The following ATP6V0D1 variants were observed in gnomAD, a reference collection of about 807,000 sequenced individuals.
The protein encoded by ATP6V0D1 is ATPase H+ transporting V0 subunit d1, also known as V-type proton ATPase subunit d 1.
A neutral mutation model predicts 39.0 loss-of-function variants in ATP6V0D1; 13 were observed. That is an observed-to-expected ratio of 0.33 (90% confidence interval 0.22 to 0.53). The LOEUF (loss-of-function observed/expected upper bound fraction) is 0.53, where lower values mean the gene tolerates loss of function less well. Among genes scored for constraint, ATP6V0D1 ranks in the 20% least tolerant of loss-of-function variants. The probability of loss-of-function intolerance (pLI) is 0.94; values close to 1 mark genes in which losing one functional copy is unlikely to be tolerated. For synonymous variants in ATP6V0D1, 191 were observed against 191.2 expected (o/e 1.00, Z 0.01); for missense variants, 272 against 470.9 (o/e 0.58, Z 3.91).
chr16:67,441,586 GCT>G (rs1020400881), intron 4 of ATP6V0D1: 1 of 152,274 alleles, frequency 6.6e-6, no homozygotes. Context: ...ACGTGTGTAT[GCT>G]CTCTCTCCTC....
intron 1 of ATP6V0D1, chr16:67,459,322 G>A (rs1450873521): frequency 3.4e-5 from 32 of 941,652 alleles, no homozygotes; most frequent in South Asian, 9.8e-5. Context: ...TCCACAGGCC[G>A]GCCCTGTCCA....
At chr16:67,440,821 A>G (rs1304650921) in intron 4 of ATP6V0D1, 3 of 152,296 alleles carry the variant, frequency 2.0e-5, no homozygotes, top group Admixed American at 2.0e-4. Context: ...GGAAGTAAGA[A>G]GCCTGGAAAA....
intron 1 of ATP6V0D1, among the ~76,000 whole-genome samples, chr16:67,473,501 A>G (rs1419191284): frequency 6.6e-6 from 1 of 151,992 alleles, no homozygotes; most frequent in Non-Finnish European, 1.5e-5. Context: ...GGTGCCCGCC[A>G]CTACGCCCAA....
At chr16:67,439,597 C>T (rs935946509) in intron 4 of ATP6V0D1, 2 of 569,010 alleles carry the variant, frequency 3.5e-6, no homozygotes, top group African/African-American at 3.7e-5. Context: ...CGACTGTCTG[C>T]TTCAGGCTAC....
chr16:67,438,914 G>A, intron 6 of ATP6V0D1, 44 bp from the exon 7 acceptor site: 2 of 1,613,438 alleles, frequency 1.2e-6, no homozygotes, highest in Non-Finnish European at 1.7e-6. Flanking sequence ...AGGGTTCTGG[G>A]TGGGGGTGCT....
intron 2 of ATP6V0D1, chr16:67,452,293 G>A (rs1021334467): frequency 1.8e-5 from 27 of 1,535,610 alleles, no homozygotes; most frequent in Non-Finnish European, 2.3e-5. Context: ...CTGTGGCCAG[G>A]AGAGGGCCTG....
Position 67,444,907 on chromosome 16 carries a change from G to A in ATP6V0D1, c.303-201C>T, listed in dbSNP as rs1389770448. Among the ~76,000 whole-genome samples the A allele has an allele frequency of 6.6e-6, 1 of 152,142 alleles. No individual in the cohort carries two copies. The highest frequency in any genetic ancestry group is 6.5e-5 in the Admixed American group (1 of 15,278). ...CTTCTGACCACCCCCACTGCCAGAG[G>A]CCTAGGACAGACACAGGCCCCCCAA... is the stretch of plus-strand genomic sequence containing the variant. On this transcript the variant is annotated intron_variant, in intron 2 of 7. Transcript: ENST00000290949. The surrounding 1 kb of genome is among the most constrained non-coding windows in gnomAD (Gnocchi z 4.8).
At position 67,438,477 on chromosome 16, in the gene ATP6V0D1, A is replaced by T. The variant is rs752703060; in HGVS notation, c.*51T>A. 2.0e-6 allele frequency: 3 copies of T among 1,478,838 alleles called. No homozygotes were observed. In the African/African-American group the frequency reaches 4.4e-5, roughly 22 times the overall value. The allele number at this position is 1,478,838 out of a possible 1,614,324, so 91.6% of individuals were successfully genotyped here. A position where few individuals can be genotyped will look rare whatever the true frequency, so the allele number is the denominator to read the frequency against. On this transcript the variant is annotated 3_prime_UTR_variant, in exon 8 of 8. Coordinates refer to ENST00000290949, the MANE Select transcript of ATP6V0D1 (RefSeq NM_004691.5). ...CACACACACGCACACACACGCGCAC[A>T]CACACACACACACACACAAAGAGTG...
At chr16:67,454,035 C>A (rs1001095727) in intron 1 of ATP6V0D1, among the ~76,000 whole-genome samples, 4 of 152,178 alleles carry the variant, frequency 2.6e-5, no homozygotes, top group African/African-American at 9.7e-5. Flanking sequence ...CTTTGAAGCC[C>A]TTCTGTATGT....
chr16:67,453,110 C>T lies in ATP6V0D1; in HGVS notation c.302+434G>A, dbSNP rs991653310. Among the ~76,000 whole-genome samples the T allele has an allele frequency of 6.6e-6, 1 of 152,176 alleles. No individual in the cohort carries two copies. Among genetic ancestry groups the T allele is most frequent in the Non-Finnish European group, 1.5e-5 (1 of 68,026 alleles). ...TGGCCTTTCAGAGCTCTGTCCATCCCGACACCTGACCCCTCGCATGGGGAG... is the reference window on the plus strand; with the variant it reads ...TGGCCTTTCAGAGCTCTGTCCATCCTGACACCTGACCCCTCGCATGGGGAG... On this transcript the variant is annotated intron_variant, in intron 2 of 7. Coordinates refer to ENST00000290949, the MANE Select transcript of ATP6V0D1 (RefSeq NM_004691.5). This position sits in a 1 kb window ranked among gnomAD's most constrained non-coding sequence, Gnocchi z 4.1.
intron 2 of ATP6V0D1, among the ~76,000 whole-genome samples, chr16:67,445,054 C>G (rs1177444124): frequency 6.6e-6 from 1 of 152,162 alleles, no homozygotes; most frequent in Non-Finnish European, 1.5e-5. Context: ...ACATGCAGCC[C>G]AGCCCAGGGG....
intron 1 of ATP6V0D1, among the ~76,000 whole-genome samples, chr16:67,475,555 G>A (rs2041407916): frequency 6.6e-6 from 1 of 152,204 alleles, no homozygotes; most frequent in East Asian, 1.9e-4. Context: ...CATGGAAGCT[G>A]AGAAGGTCAC....
intron 1 of ATP6V0D1, among the ~76,000 whole-genome samples, chr16:67,466,306 C>T (rs576857988): frequency 1.4e-5 from 2 of 146,818 alleles, no homozygotes; most frequent in Non-Finnish European, 3.0e-5. Flanking sequence ...CATGGAGAAA[C>T]CCTGTATCTA....
At chr16:67,473,526 TTTTG>T (rs966067097) in intron 1 of ATP6V0D1, among the ~76,000 whole-genome samples, 6 of 151,786 alleles carry the variant, frequency 4.0e-5, no homozygotes, top group Non-Finnish European at 7.4e-5. Context: ...TTTTTTGTGG[TTTTG>T]TTTGTTTGTT....
In ATP6V0D1 at chr16:67,439,017, C is replaced by T. The variant is rs371087886; in HGVS notation, c.770G>A (p.Arg257Gln). The T allele has an allele frequency of 1.6e-5, 26 of 1,614,026 alleles. No individual in the cohort carries two copies. The highest frequency in any genetic ancestry group is 1.8e-5 in the Non-Finnish European group (21 of 1,180,036). The change falls in exon 6 of 8, where the codon CGG becomes CAG. Residue 257 changes from arginine to glutamine, a missense_variant. Arg to Gln is a conservative substitution (Grantham distance 43, BLOSUM62 1). Transcript: ENST00000290949. ...LYPEGLAQLA[R>Q]ADDYEQVKNV... ...CTTGACCTGTTCATAGTCGTCAGCCCGAGCCAGCTGCGCCAGGCCCTCAGG... is the reference window on the plus strand; with the variant it reads ...CTTGACCTGTTCATAGTCGTCAGCCTGAGCCAGCTGCGCCAGGCCCTCAGG...
intron 1 of ATP6V0D1, among the ~76,000 whole-genome samples, chr16:67,475,130 A>C (rs1172582872): frequency 6.6e-6 from 1 of 152,154 alleles, no homozygotes; most frequent in African/African-American, 2.4e-5. Flanking sequence ...CAAGTCTAAT[A>C]GTTTTACTAT....
chr16:67,448,656 G>T (rs2041144148), intron 2 of ATP6V0D1, among the ~76,000 whole-genome samples: 1 of 129,836 alleles, frequency 7.7e-6, no homozygotes, highest in Non-Finnish European at 1.6e-5. Context: ...TGAGACTCCA[G>T]CTCAAAAAAA....
At chr16:67,445,374 A>G (rs570560929) in intron 2 of ATP6V0D1, among the ~76,000 whole-genome samples, 1 of 152,320 alleles carries the variant, frequency 6.6e-6, no homozygotes, top group Admixed American at 6.5e-5. Context: ...CAGTGGGGAC[A>G]GAAGAGGAAG....
intron 1 of ATP6V0D1, among the ~76,000 whole-genome samples, chr16:67,477,025 TAAAAAAAA>T (rs199765066): frequency 5.7e-4 from 23 of 40,224 alleles, no homozygotes; most frequent in African/African-American, 1.7e-3. Flanking sequence ...TGTCTCAAAT[TAAAAAAAA>T]AAAAAAAAAA....
Sources: gnomAD v4.1 joint callset for allele counts (sites outside exome capture counted in the v4.1 genomes callset) on GRCh38, gnomAD v4.1.1 for gene constraint, Gnocchi (gnomAD v3.1) non-coding constraint, MANE v1.5 for transcripts, NCBI Gene and HGNC (gene_info 2026-07-23, HGNC 2026-07-21) for gene names.